The following RPS6KC1 variants were observed in gnomAD, a reference collection of about 807,000 sequenced individuals.
RPS6KC1 encodes the protein ribosomal protein S6 kinase C1.
A neutral mutation model predicts 103.8 loss-of-function variants in RPS6KC1; 54 were observed. The observed-to-expected ratio is 0.52, with a 90% CI of 0.42 to 0.65. The LOEUF (loss-of-function observed/expected upper bound fraction) is 0.65. RPS6KC1 is among the 30% of genes least tolerant of loss of function. The probability of loss-of-function intolerance (pLI) is 0.00; values close to 1 mark genes in which losing one functional copy is unlikely to be tolerated. For synonymous variants in RPS6KC1, 439 were observed against 438.7 expected (o/e 1.00, Z -0.01); for missense variants, 1,151 against 1,253.8 (o/e 0.92, Z 1.24).
chr1:213,819,426 C>T, the RPS6KC1 span: 1 of 152,280 alleles, frequency 6.6e-6, no homozygotes, highest in African/African-American at 2.4e-5. Flanking sequence ...GGCCACACTC[C>T]CAGGAAGTCT....
chr1:213,262,880 A>G, intron 14 of RPS6KC1, 64 bp downstream of exon 14: 4 of 944,868 alleles, frequency 4.2e-6, no homozygotes, highest in Non-Finnish European at 7.0e-6. Flanking sequence ...CCACAACTCC[A>G]AAACCTTAAA....
At chr1:213,063,061 T>A (rs1462610230) in intron 1 of RPS6KC1, among the ~76,000 whole-genome samples, 2 of 152,188 alleles carry the variant, frequency 1.3e-5, no homozygotes, top group Admixed American at 1.3e-4. Context: ...TTTTCTTTGT[T>A]TTTACTTTGT....
intron 3 of RPS6KC1, among the ~76,000 whole-genome samples, chr1:213,100,595 G>T (rs1011550953): frequency 1.3e-5 from 2 of 151,886 alleles, no homozygotes; most frequent in East Asian, 1.9e-4. Context: ...TTCCATCCCC[G>T]CTTTTGGAGT....
chr1:213,164,745 T>C (rs1470554190), intron 6 of RPS6KC1, among the ~76,000 whole-genome samples: 1 of 152,148 alleles, frequency 6.6e-6, no homozygotes, highest in East Asian at 1.9e-4. Context: ...GTATTTTCAA[T>C]AGAGACAGAC....
intron 3 of RPS6KC1, among the ~76,000 whole-genome samples, chr1:213,098,959 A>G (rs936066026): frequency 6.6e-6 from 1 of 152,170 alleles, no homozygotes; most frequent in Non-Finnish European, 1.5e-5. Flanking sequence ...CTATGTTTCT[A>G]TGTCTATAAT....
the RPS6KC1 span, among the ~76,000 whole-genome samples, chr1:213,815,763 T>G: frequency 2.6e-5 from 4 of 152,266 alleles, no homozygotes; most frequent in African/African-American, 9.6e-5. Context: ...CTGTGTTCAC[T>G]GGAGTAGCAC....
At chr1:213,636,994 T>G in the RPS6KC1 span, among the ~76,000 whole-genome samples, 3 of 152,080 alleles carry the variant, frequency 2.0e-5, no homozygotes, top group Non-Finnish European at 4.4e-5. Flanking sequence ...ATTTATGCAG[T>G]CAACAGACAC....
chr1:213,728,134 G>A, the RPS6KC1 span, among the ~76,000 whole-genome samples: 33 of 152,236 alleles, frequency 2.2e-4, no homozygotes, highest in Admixed American at 3.9e-4. Context: ...ATGAAGCAGC[G>A]TGATAAGCGG....
At chr1:213,690,176 GTCTC>G in the RPS6KC1 span, among the ~76,000 whole-genome samples, 1 of 152,162 alleles carries the variant, frequency 6.6e-6, no homozygotes, top group Non-Finnish European at 1.5e-5. Flanking sequence ...TATTTATCAT[GTCTC>G]TCTAACTGGC....
intron 8 of RPS6KC1, among the ~76,000 whole-genome samples, chr1:213,213,138 C>T (rs1386118944): frequency 6.6e-6 from 1 of 152,186 alleles, no homozygotes; most frequent in African/African-American, 2.4e-5. Flanking sequence ...TCAGAAAAGT[C>T]ATCACCATAT....
At chr1:213,497,576 G>C in the RPS6KC1 span, among the ~76,000 whole-genome samples, 11 of 152,194 alleles carry the variant, frequency 7.2e-5, no homozygotes, top group East Asian at 2.1e-3. Context: ...AACCAAAGCA[G>C]TAACAGGATT....
chr1:213,515,856 C>T, the RPS6KC1 span, among the ~76,000 whole-genome samples: 2 of 152,112 alleles, frequency 1.3e-5, no homozygotes, highest in Admixed American at 6.5e-5. Flanking sequence ...TTCTTCCTAC[C>T]CATGAGCATG....
chr1:213,602,102 T>C, the RPS6KC1 span, among the ~76,000 whole-genome samples: 2 of 23,002 alleles, frequency 8.7e-5, 1 homozygote, highest in Non-Finnish European at 1.5e-4. Context: ...CTTTCTTTCT[T>C]TCTTTCTTTC....
At chr1:213,274,937 T>A (rs1485122755), downstream of RPS6KC1, among the ~76,000 whole-genome samples, 1 of 152,212 alleles carries the variant, frequency 6.6e-6, no homozygotes, top group Non-Finnish European at 1.5e-5. Flanking sequence ...ATGGAAACTC[T>A]GTACCCACTA....
chr1:213,344,072 A>G, the RPS6KC1 span, among the ~76,000 whole-genome samples: 2 of 152,194 alleles, frequency 1.3e-5, no homozygotes, highest in Non-Finnish European at 2.9e-5. Context: ...TCTAAACAAA[A>G]TAAGACAAAA....
chr1:213,665,199 A>AAAT, the RPS6KC1 span, among the ~76,000 whole-genome samples: 1 of 150,946 alleles, frequency 6.6e-6, no homozygotes, highest in Admixed American at 6.6e-5. Flanking sequence ...AAACAAGCAA[A>AAAT]AACAACAACA....
intron 10 of RPS6KC1, among the ~76,000 whole-genome samples, chr1:213,239,799 T>A (rs1045755591): frequency 2.0e-5 from 3 of 152,212 alleles, no homozygotes; most frequent in Admixed American, 2.0e-4. Flanking sequence ...AATTAATTAT[T>A]CTTTCTTATA....
chr1:213,240,755 A>G lies in RPS6KC1; in HGVS notation c.1279A>G (p.Ser427Gly), dbSNP rs751376105. ...ATTTCTAAACAGAAGTCCTGAAGAAAGCTTTGACATCAAGGAAGTGAAAAA... is the reference window on the plus strand; with the variant it reads ...ATTTCTAAACAGAAGTCCTGAAGAAGGCTTTGACATCAAGGAAGTGAAAAA... The part of the protein sequence containing the change: ...SKFLNRSPEE[S>G]FDIKEVKKPT... Residue 427 changes from serine to glycine, a missense_variant, in exon 11 of 15, where the codon AGC becomes GGC. Transcript: ENST00000366960. The G allele has an allele frequency of 1.1e-5, 17 of 1,613,604 alleles. No individual in the cohort carries two copies. The highest frequency in any genetic ancestry group is 1.4e-5 in the Non-Finnish European group (17 of 1,179,786).
chr1:213,297,271 G>T, the RPS6KC1 span, among the ~76,000 whole-genome samples: 4 of 152,144 alleles, frequency 2.6e-5, no homozygotes, highest in Non-Finnish European at 5.9e-5. Context: ...GACTGAATAC[G>T]GGTCTGCATT....
Sources: allele counts gnomAD v4.1 joint callset (sites outside exome capture counted in the v4.1 genomes callset), GRCh38; gene constraint gnomAD v4.1.1; transcripts MANE v1.5; gene names NCBI Gene and HGNC (gene_info 2026-07-23, HGNC 2026-07-21).